Variants in CSMD1 observed in about 807,000 individuals in gnomAD.
CSMD1 encodes the protein CUB and sushi domain-containing protein 1.
A neutral mutation model predicts 417.5 loss-of-function variants in CSMD1; 213 were observed. The ratio of observed to expected loss-of-function variants is 0.51; its 90% CI spans 0.46 to 0.57. CSMD1 has a LOEUF of 0.57. CSMD1 is among the 20% of genes least tolerant of loss of function. The pLI is 0.00. For synonymous variants in CSMD1, 2,862 were observed against 1,736.8 expected (o/e 1.65, Z -16.11); for missense variants, 6,923 against 4,529.7 (o/e 1.53, Z -15.17).
At chr8:4,015,373 C>T (rs567221908) in intron 4 of CSMD1, among the ~76,000 whole-genome samples, 13 of 152,236 alleles carry the variant, frequency 8.5e-5, no homozygotes, top group African/African-American at 3.1e-4. Context: ...GCCTTTTCAT[C>T]TCTAGTAGCA....
chr8:4,353,572 C>G (rs1294277835), intron 3 of CSMD1, among the ~76,000 whole-genome samples: 1 of 151,732 alleles, frequency 6.6e-6, no homozygotes, highest in African/African-American at 2.4e-5. Flanking sequence ...ACGAATAAAG[C>G]CCAAAGTAGC....
At chr8:3,369,470 C>T in intron 18 of CSMD1, 100 bp from the exon 19 acceptor site, 3 of 645,698 alleles carry the variant, frequency 4.6e-6, no homozygotes, top group Non-Finnish European at 8.3e-6. Flanking sequence ...CAAGGATTAA[C>T]AAATTTAATG....
In CSMD1 at chr8:4,028,256, A is replaced by G. The variant is rs1464839056; in HGVS notation, c.610+3649T>C. Among the ~76,000 whole-genome samples, 4 of 152,334 alleles carry G rather than the reference A, an allele frequency of 2.6e-5. No homozygotes were observed. In the East Asian group the frequency reaches 7.7e-4, roughly 29 times the overall value. ...ATTAATCCCAAATCTAACATCTATT[A>G]GCACAAATACCTTGAGCAAGTCACT... On this transcript the variant is annotated intron_variant, in intron 4 of 69. Transcript: ENST00000635120.
chr8:3,799,168 T>C (rs1800322904), intron 5 of CSMD1, among the ~76,000 whole-genome samples: 1 of 151,552 alleles, frequency 6.6e-6, no homozygotes, highest in Non-Finnish European at 1.5e-5. Context: ...ATAATGTATT[T>C]ATTTGACTAT....
At chr8:3,446,179 G>T (rs1314238722) in intron 12 of CSMD1, among the ~76,000 whole-genome samples, 1 of 152,096 alleles carries the variant, frequency 6.6e-6, no homozygotes, top group African/African-American at 2.4e-5. Flanking sequence ...AAAAAGAAAA[G>T]AGGATGAGGG....
intron 5 of CSMD1, among the ~76,000 whole-genome samples, chr8:3,916,894 A>T (rs927316575): frequency 2.1e-5 from 3 of 141,484 alleles, no homozygotes; most frequent in African/African-American, 7.5e-5. Context: ...GTCATGAAAC[A>T]GAATGAGACA....
At chr8:3,077,794 G>A (rs1813795126) in intron 49 of CSMD1, among the ~76,000 whole-genome samples, 1 of 152,214 alleles carries the variant, frequency 6.6e-6, no homozygotes. Flanking sequence ...GGCTGCCGCT[G>A]TGCCTCTTCA....
chr8:3,770,472 T>G (rs948064037), intron 5 of CSMD1, among the ~76,000 whole-genome samples: 5 of 152,058 alleles, frequency 3.3e-5, no homozygotes, highest in African/African-American at 9.7e-5. Flanking sequence ...GAGATTGCAG[T>G]GAGCCAAGAT....
intron 5 of CSMD1, among the ~76,000 whole-genome samples, chr8:3,965,288 T>G (rs974495132): frequency 6.6e-6 from 1 of 152,200 alleles, no homozygotes; most frequent in Non-Finnish European, 1.5e-5. Flanking sequence ...AACTCAGGTC[T>G]CTAAGCATGG....
Position 3,221,801 on chromosome 8 carries a change from C to T in CSMD1, c.4484+1928G>A, listed in dbSNP as rs180846723. 2.3e-4 allele frequency among the ~76,000 whole-genome samples: 35 copies of T among 152,244 alleles called. No individual in the cohort carries two copies. The East Asian group carries it at 6.2e-3, about 27-fold the overall frequency. On this transcript the variant is annotated intron_variant, in intron 28 of 69. Transcript: ENST00000635120. Reference sequence around the variant, plus strand: ...TCCACAGGGACGTGTAATGGAACATCCTCTCTCATCCACAGCCCTGAACGA... The same window carrying T: ...TCCACAGGGACGTGTAATGGAACATTCTCTCTCATCCACAGCCCTGAACGA...
intron 7 of CSMD1, among the ~76,000 whole-genome samples, chr8:3,686,123 A>G (rs749684076): frequency 2.6e-5 from 4 of 152,102 alleles, no homozygotes; most frequent in South Asian, 2.1e-4. Flanking sequence ...ATCAAAAAGA[A>G]AAAAAAACTG....
intron 3 of CSMD1, among the ~76,000 whole-genome samples, chr8:4,099,794 G>C (rs1328295086): frequency 6.6e-6 from 1 of 152,078 alleles, no homozygotes; most frequent in Non-Finnish European, 1.5e-5. Context: ...TGATAGTACT[G>C]GGAAGGCTAC....
At chr8:4,782,371 T>C (rs1256652566) in intron 1 of CSMD1, among the ~76,000 whole-genome samples, 1 of 152,200 alleles carries the variant, frequency 6.6e-6, no homozygotes, top group Non-Finnish European at 1.5e-5. Context: ...ACCCCATAAA[T>C]ATGTACAATT....
intron 2 of CSMD1, among the ~76,000 whole-genome samples, chr8:4,606,622 A>C (rs561868358): frequency 1.0e-3 from 153 of 152,308 alleles, no homozygotes; most frequent in Non-Finnish European, 1.4e-3. Context: ...CAAAACGGAG[A>C]CAAATATGGG....
intron 3 of CSMD1, among the ~76,000 whole-genome samples, chr8:4,160,759 G>C (rs1202324220): frequency 3.9e-5 from 6 of 152,198 alleles, no homozygotes; most frequent in Admixed American, 6.5e-5. Context: ...CATTTACTCA[G>C]TCACACTTGG....
chr8:3,943,686 C>A (rs931481513), intron 5 of CSMD1, among the ~76,000 whole-genome samples: 10 of 152,090 alleles, frequency 6.6e-5, no homozygotes, highest in African/African-American at 2.2e-4. Context: ...CTATAATGAA[C>A]TGAAGACACA....
In CSMD1 at chr8:4,008,743, T is replaced by G. The variant is rs181455993; in HGVS notation, c.611-10633A>C. Among the ~76,000 whole-genome samples, 1,476 of 151,540 alleles carry G rather than the reference T, an allele frequency of 9.7e-3. 11 individuals carry two copies. The highest frequency in any genetic ancestry group is 0.016 in the Non-Finnish European group (1,061 of 67,908). ...CTCCTGCCTCAGCCTCCTGAGTAGCTGGGAATACAGGCATCCGGCACCACG... is the reference window on the plus strand; with the variant it reads ...CTCCTGCCTCAGCCTCCTGAGTAGCGGGGAATACAGGCATCCGGCACCACG... On this transcript the variant is annotated intron_variant, in intron 4 of 69. Transcript: ENST00000635120.
At chr8:4,053,113 C>T (rs1324061079) in intron 3 of CSMD1, among the ~76,000 whole-genome samples, 1 of 152,142 alleles carries the variant, frequency 6.6e-6, no homozygotes, top group Non-Finnish European at 1.5e-5. Flanking sequence ...ACGAGGACCC[C>T]TTGCCCAGGA....
At chr8:3,544,131 G>C (rs781469791) in intron 10 of CSMD1, among the ~76,000 whole-genome samples, 2 of 152,122 alleles carry the variant, frequency 1.3e-5, no homozygotes, top group African/African-American at 2.4e-5. Context: ...AAACGAGCCT[G>C]GGACGTGCTG....
Sources: allele counts gnomAD v4.1 joint callset (sites outside exome capture counted in the v4.1 genomes callset), GRCh38; gene constraint gnomAD v4.1.1; transcripts MANE v1.5; gene names NCBI Gene and HGNC (gene_info 2026-07-23, HGNC 2026-07-21).